PLD5: variants seen among roughly 807,000 people sequenced by gnomAD.
PLD5 encodes the protein phospholipase D family member 5, also known as inactive phospholipase D5.
In PLD5, 36 loss-of-function variants were observed where a neutral mutation model predicts 61.1. The observed-to-expected ratio is 0.59, with a 90% CI of 0.45 to 0.78. The LOEUF (loss-of-function observed/expected upper bound fraction) is 0.78. Among genes scored for constraint, PLD5 ranks in the 30% least tolerant of loss-of-function variants. The probability of loss-of-function intolerance (pLI) is 0.00; values close to 1 mark genes in which losing one functional copy is unlikely to be tolerated. For synonymous variants in PLD5, 243 were observed against 242.8 expected (o/e 1.00, Z -0.01); for missense variants, 515 against 644.4 (o/e 0.80, Z 2.17).
intron 1 of PLD5, among the ~76,000 whole-genome samples, chr1:242,515,266 G>A (rs1288369649): frequency 1.3e-5 from 2 of 152,080 alleles, no homozygotes; most frequent in African/African-American, 2.4e-5. Flanking sequence ...AGGCTGGAGT[G>A]CAATGGCACA....
At chr1:242,332,316 T>G (rs189053491) in intron 2 of PLD5, among the ~76,000 whole-genome samples, 18 of 152,274 alleles carry the variant, frequency 1.2e-4, no homozygotes, top group Admixed American at 4.6e-4. Context: ...TTCCGAGTCT[T>G]TGCTATGGTG....
intron 1 of PLD5, among the ~76,000 whole-genome samples, chr1:242,517,049 G>C (rs778913856): frequency 6.7e-6 from 1 of 149,362 alleles, no homozygotes; most frequent in Non-Finnish European, 1.5e-5. Context: ...TTTGAATCCA[G>C]TGGTCCTGAT....
In PLD5 at chr1:242,088,790, A is replaced by G. The variant is rs576854503; in HGVS notation, c.*1064T>C. On this transcript the variant is annotated 3_prime_UTR_variant, in exon 10 of 10. Transcript: ENST00000536534. ...TGCTTCTTAGTAAAATATGTTAAGC[A>G]CAGTATTTAAATTGCATTTCTCTGA... 18 of 152,420 alleles carry G rather than the reference A, an allele frequency of 1.2e-4. No homozygotes were observed. The highest frequency in any genetic ancestry group is 4.1e-4 in the African/African-American group (17 of 41,596). The allele number at this position is 152,420 out of a possible 1,614,324, so 9.4% of individuals were successfully genotyped here. A position where few individuals can be genotyped will look rare whatever the true frequency, so the allele number is the denominator to read the frequency against.
chr1:242,118,123 A>G (rs760943685), intron 6 of PLD5, among the ~76,000 whole-genome samples: 12 of 152,202 alleles, frequency 7.9e-5, no homozygotes, highest in Non-Finnish European at 1.8e-4. Context: ...CACTGTGGCC[A>G]TAATTTAGAG....
chr1:242,342,041 T>A (rs1444377629), intron 2 of PLD5, among the ~76,000 whole-genome samples: 1 of 152,140 alleles, frequency 6.6e-6, no homozygotes. Flanking sequence ...TATGATTATA[T>A]GGCAATGTTA....
intron 1 of PLD5, among the ~76,000 whole-genome samples, chr1:242,397,453 T>TA (rs1663657847): frequency 6.6e-6 from 1 of 152,020 alleles, no homozygotes; most frequent in Non-Finnish European, 1.5e-5. Flanking sequence ...AACTTAGTCC[T>TA]AATCACCATT....
At chr1:242,443,697 T>G (rs917235512) in intron 1 of PLD5, among the ~76,000 whole-genome samples, 4 of 152,208 alleles carry the variant, frequency 2.6e-5, no homozygotes, top group Admixed American at 6.5e-5. Flanking sequence ...AGTTTTGCTA[T>G]TATTCTTGAG....
At chr1:242,180,750 G>A (rs1037324732) in intron 5 of PLD5, among the ~76,000 whole-genome samples, 5 of 152,176 alleles carry the variant, frequency 3.3e-5, no homozygotes, top group Admixed American at 2.6e-4. Context: ...GGAGACCAAG[G>A]CAGGAGGATC....
intron 5 of PLD5, among the ~76,000 whole-genome samples, chr1:242,209,663 C>T (rs554806696): frequency 2.7e-5 from 3 of 109,490 alleles, no homozygotes; most frequent in Non-Finnish European, 4.2e-5. Flanking sequence ...CCAGCTGTTC[C>T]CCTGTCTCTC....
intron 2 of PLD5, among the ~76,000 whole-genome samples, chr1:242,320,597 C>T (rs564378444): frequency 3.9e-5 from 6 of 152,250 alleles, no homozygotes; most frequent in African/African-American, 1.4e-4. Flanking sequence ...ACCAATAGAG[C>T]TGGAATGAGA....
chr1:242,111,881 A>G (rs1256173765), intron 7 of PLD5, among the ~76,000 whole-genome samples: 2 of 152,232 alleles, frequency 1.3e-5, no homozygotes, highest in Admixed American at 1.3e-4. Context: ...CCAAAATGCA[A>G]AATTTCAAGT....
chr1:242,248,292 C>T lies in PLD5; in HGVS notation c.607+17045G>A, dbSNP rs1472348170. Among the ~76,000 whole-genome samples, 3 of 152,138 alleles carry T rather than the reference C, an allele frequency of 2.0e-5. No individual in the cohort carries two copies. In the East Asian group the frequency reaches 5.8e-4, roughly 29 times the overall value. Reference sequence around the variant, plus strand: ...TGTATTCATCTCTTGAAACCGCTTACTATTGCCATAAACAGCTGTACATTA... The same window carrying T: ...TGTATTCATCTCTTGAAACCGCTTATTATTGCCATAAACAGCTGTACATTA... On this transcript the variant is annotated intron_variant, in intron 4 of 9. Transcript: ENST00000536534.
intron 1 of PLD5, among the ~76,000 whole-genome samples, chr1:242,392,819 A>T (rs1663010944): frequency 1.3e-5 from 2 of 152,218 alleles, no homozygotes; most frequent in Admixed American, 1.3e-4. Flanking sequence ...GTTTGAAAAC[A>T]GGAGCATTTG....
intron 1 of PLD5, among the ~76,000 whole-genome samples, chr1:242,497,164 C>T (rs765412463): frequency 6.6e-6 from 1 of 152,178 alleles, no homozygotes; most frequent in African/African-American, 2.4e-5. Context: ...TACATGCAGC[C>T]AAAACTACAT....
intron 5 of PLD5, among the ~76,000 whole-genome samples, chr1:242,204,314 C>T (rs976627564): frequency 3.9e-5 from 6 of 152,094 alleles, no homozygotes; most frequent in African/African-American, 7.2e-5. Context: ...AATTGCCTTC[C>T]AGGTATTACC....
intron 4 of PLD5, among the ~76,000 whole-genome samples, chr1:242,262,848 G>A (rs570119101): frequency 2.0e-5 from 3 of 152,110 alleles, no homozygotes; most frequent in Admixed American, 6.5e-5. Context: ...AGGGATACAG[G>A]TGGAGATGGT....
intron 1 of PLD5, among the ~76,000 whole-genome samples, chr1:242,349,826 A>G (rs1660372098): frequency 6.6e-6 from 1 of 152,190 alleles, no homozygotes; most frequent in African/African-American, 2.4e-5. Flanking sequence ...ATATTAGTAG[A>G]TGGGGACTTT....
chr1:242,307,101 T>C (rs1002895062), intron 2 of PLD5, among the ~76,000 whole-genome samples: 3 of 152,204 alleles, frequency 2.0e-5, no homozygotes, highest in African/African-American at 7.2e-5. Flanking sequence ...CTAACTGTGC[T>C]TGTGGTCTGG....
chr1:242,523,431 T>A (rs1036683237), intron 1 of PLD5, among the ~76,000 whole-genome samples: 1 of 151,218 alleles, frequency 6.6e-6, no homozygotes, highest in Non-Finnish European at 1.5e-5. Context: ...TCCTTGGGAG[T>A]AGAGGTCCCC....
Sources: allele counts gnomAD v4.1 joint callset (sites outside exome capture counted in the v4.1 genomes callset), GRCh38; gene constraint gnomAD v4.1.1; transcripts MANE v1.5; gene names NCBI Gene and HGNC (gene_info 2026-07-23, HGNC 2026-07-21).